Variants in STK39 observed in about 807,000 individuals in gnomAD.
STK39 encodes the protein STE20/SPS1-related proline-alanine-rich protein kinase.
STK39 carries 20 observed loss-of-function variants against 77.8 expected under a neutral mutation model. The observed-to-expected ratio is 0.26, with a 90% confidence interval of 0.18 to 0.37. STK39 has a LOEUF of 0.37. Ranked by LOEUF, STK39 falls within the 10% of genes least tolerant of loss-of-function variation. STK39 has a pLI of 1.00. For missense variants in STK39, 479 were observed against 656.5 expected (o/e 0.73, Z 2.95); for synonymous variants, 246 against 234.1 (o/e 1.05, Z -0.47).
At chr2:168,195,611 G>A (rs1185218502) in intron 1 of STK39, among the ~76,000 whole-genome samples, 1 of 152,218 alleles carries the variant, frequency 6.6e-6, no homozygotes, top group Non-Finnish European at 1.5e-5. Flanking sequence ...CCAAGATTCA[G>A]ATTCAGTCTC....
chr2:168,156,957 C>T (rs1272587817), intron 5 of STK39, among the ~76,000 whole-genome samples: 1 of 152,212 alleles, frequency 6.6e-6, no homozygotes, highest in Non-Finnish European at 1.5e-5. Flanking sequence ...CCCCTACCCT[C>T]CCCATCAAAG....
At chr2:168,145,979 G>T (rs1402973034) in intron 5 of STK39, among the ~76,000 whole-genome samples, 2 of 152,180 alleles carry the variant, frequency 1.3e-5, no homozygotes, top group Non-Finnish European at 2.9e-5. Flanking sequence ...ACCAGAGAGT[G>T]GCTAAAATAT....
chr2:168,213,949 A>G (rs1408172783), intron 1 of STK39, among the ~76,000 whole-genome samples: 1 of 152,206 alleles, frequency 6.6e-6, no homozygotes, highest in Non-Finnish European at 1.5e-5. Context: ...GTATATACGA[A>G]TAGTAGAATA....
intron 3 of STK39, among the ~76,000 whole-genome samples, 191 bp downstream of exon 3, chr2:168,167,108 T>C (rs1020821500): frequency 2.0e-5 from 3 of 152,142 alleles, no homozygotes; most frequent in African/African-American, 7.2e-5. Flanking sequence ...TCTCGGAAGT[T>C]AAGCAAAATT....
At chr2:168,048,460 C>T (rs2105362866) in intron 14 of STK39, among the ~76,000 whole-genome samples, 1 of 152,196 alleles carries the variant, frequency 6.6e-6, no homozygotes, top group Non-Finnish European at 1.5e-5. Context: ...GATCCGCCGG[C>T]CTTGGCCTCC....
chr2:168,127,418 G>C (rs1223083192), intron 10 of STK39, among the ~76,000 whole-genome samples: 11 of 152,170 alleles, frequency 7.2e-5, no homozygotes. Flanking sequence ...CAAAGTACTA[G>C]GATTACAGGT....
intron 1 of STK39, among the ~76,000 whole-genome samples, chr2:168,211,927 A>G (rs1439508561): frequency 6.6e-6 from 1 of 152,172 alleles, no homozygotes; most frequent in Non-Finnish European, 1.5e-5. Flanking sequence ...GGGAATGGAG[A>G]GGTGGTGGTT....
At chr2:167,965,434 A>G (rs1340123868) in intron 16 of STK39, among the ~76,000 whole-genome samples, 1 of 152,164 alleles carries the variant, frequency 6.6e-6, no homozygotes, top group Non-Finnish European at 1.5e-5. Context: ...TTCATTGGAG[A>G]TCTGTCCTTG....
chr2:167,984,468 A>C (rs1372868396), intron 16 of STK39, among the ~76,000 whole-genome samples: 1 of 152,200 alleles, frequency 6.6e-6, no homozygotes, highest in Non-Finnish European at 1.5e-5. Context: ...TGAGAGCTGC[A>C]CTGAAGCGGT....
intron 16 of STK39, among the ~76,000 whole-genome samples, chr2:167,979,824 T>C (rs1310843283): frequency 6.6e-6 from 1 of 152,188 alleles, no homozygotes; most frequent in Non-Finnish European, 1.5e-5. Context: ...GAGAAGGAAC[T>C]GATCACATCA....
intron 10 of STK39, among the ~76,000 whole-genome samples, chr2:168,089,893 C>T (rs1686471568): frequency 6.6e-6 from 1 of 152,208 alleles, no homozygotes; most frequent in South Asian, 2.1e-4. Context: ...GCCACCGCAC[C>T]TGGTCTAATA....
intron 10 of STK39, among the ~76,000 whole-genome samples, chr2:168,124,923 T>G (rs370866485): frequency 6.6e-6 from 1 of 150,536 alleles, no homozygotes; most frequent in Admixed American, 6.6e-5. Flanking sequence ...AGTTGAACAA[T>G]GAGAACACAT....
chr2:168,065,242 A>G, intron 13 of STK39, 77 bp downstream of exon 13: 1 of 1,486,528 alleles, frequency 6.7e-7, no homozygotes, highest in South Asian at 1.1e-5. Context: ...GAAATTGTCT[A>G]TCTTTCTAAA....
chr2:168,037,511 C>T (rs966708374), intron 14 of STK39, among the ~76,000 whole-genome samples: 8 of 152,086 alleles, frequency 5.3e-5, no homozygotes, highest in African/African-American at 1.9e-4. Flanking sequence ...GTTTTTAGGT[C>T]ATTGTTTATG....
At chr2:167,957,060 C>CA (rs1170723549) in intron 17 of STK39, among the ~76,000 whole-genome samples, 8 of 151,510 alleles carry the variant, frequency 5.3e-5, no homozygotes, top group Non-Finnish European at 1.2e-4. Flanking sequence ...TTGAACTGTT[C>CA]AAAAAAACAG....
intron 8 of STK39, among the ~76,000 whole-genome samples, chr2:168,131,398 G>A (rs929968750): frequency 6.6e-6 from 1 of 152,132 alleles, no homozygotes; most frequent in African/African-American, 2.4e-5. Flanking sequence ...GTGGGGCGGG[G>A]CAAGTTGAAA....
intron 1 of STK39, among the ~76,000 whole-genome samples, chr2:168,212,332 A>T (rs746124578): frequency 6.6e-6 from 1 of 152,204 alleles, no homozygotes; most frequent in Non-Finnish European, 1.5e-5. Flanking sequence ...ACCTGCAGGG[A>T]AAGAGCACCG....
intron 14 of STK39, among the ~76,000 whole-genome samples, chr2:168,046,258 T>A (rs775712599): frequency 2.6e-5 from 4 of 152,100 alleles, no homozygotes; most frequent in Admixed American, 6.5e-5. Flanking sequence ...CCCAGCTATG[T>A]GGGAGGCTGA....
At position 168,040,089 on chromosome 2, in the gene STK39, C is replaced by T. The variant is rs140072722; in HGVS notation, c.1377-22994G>A. Among the ~76,000 whole-genome samples the T allele has an allele frequency of 4.9e-3, 750 of 152,230 alleles. 4 individuals are homozygous for T. The highest frequency in any genetic ancestry group is 0.017 in the Middle Eastern group (5 of 294). On this transcript the variant is annotated intron_variant, in intron 14 of 17. Transcript: ENST00000355999. ...TACATTACAATGCCTGTCAACACCGCACTCCGATCTACAAATTACTCAATG... is the reference window on the plus strand; with the variant it reads ...TACATTACAATGCCTGTCAACACCGTACTCCGATCTACAAATTACTCAATG...
Sources: gnomAD v4.1 joint callset for allele counts (sites outside exome capture counted in the v4.1 genomes callset) on GRCh38, gnomAD v4.1.1 for gene constraint, MANE v1.5 for transcripts, NCBI Gene and HGNC (gene_info 2026-07-23, HGNC 2026-07-21) for gene names.